FOCAD: variants seen among roughly 807,000 people sequenced by gnomAD.
FOCAD encodes KIAA1797.
Under a neutral mutation model 225.6 loss-of-function variants are expected in FOCAD, and 198 were observed. The ratio of observed to expected loss-of-function variants is 0.88; its 90% CI spans 0.78 to 0.99. The LOEUF is 0.99. Ranked by LOEUF, FOCAD falls within the 50% of genes least tolerant of loss-of-function variation. FOCAD has a pLI of 0.00. For missense variants in FOCAD, 2,713 were observed against 2,123.6 expected, an observed-to-expected ratio of 1.28 and a Z score of -5.46; for synonymous variants, 897 against 755.0, an observed-to-expected ratio of 1.19 and a Z score of -3.08.
chr9:20,747,329 A>T (rs1002869033), intron 5 of FOCAD, among the ~76,000 whole-genome samples: 4 of 151,566 alleles, frequency 2.6e-5, no homozygotes, highest in East Asian at 1.9e-4. Flanking sequence ...TCCAAGTTAA[A>T]TTTTTTTTTA....
At chr9:20,989,924 C>T (rs1009091965) in intron 41 of FOCAD, among the ~76,000 whole-genome samples, 199 bp from the exon 42 acceptor site, 1 of 152,134 alleles carries the variant, frequency 6.6e-6, no homozygotes, top group Non-Finnish European at 1.5e-5. Context: ...TCTAAAGCCC[C>T]AAAATGTATC....
At chr9:20,836,091 T>G (rs771848759) in intron 15 of FOCAD, among the ~76,000 whole-genome samples, 1 of 152,108 alleles carries the variant, frequency 6.6e-6, no homozygotes, top group Non-Finnish European at 1.5e-5. Context: ...CTCATCATCC[T>G]AACCCTTTGT....
At chr9:20,909,102 G>T (rs1833224188) in intron 22 of FOCAD, among the ~76,000 whole-genome samples, 1 of 151,942 alleles carries the variant, frequency 6.6e-6, no homozygotes, top group African/African-American at 2.4e-5. Flanking sequence ...AATTGAATAG[G>T]GTTATAGTAT....
chr9:20,872,725 A>G (rs1307505070), intron 18 of FOCAD: 16 of 152,094 alleles, frequency 1.1e-4, no homozygotes, highest in Non-Finnish European at 1.5e-5. Flanking sequence ...AGTATATTGA[A>G]ACAATTGTGC....
At chr9:20,751,496 T>C (rs1828542875) in intron 5 of FOCAD, among the ~76,000 whole-genome samples, 1 of 49,472 alleles carries the variant, frequency 2.0e-5, no homozygotes, top group Non-Finnish European at 4.8e-5. Flanking sequence ...CTCATCATTT[T>C]TTATGGCTGC....
intron 2 of FOCAD, among the ~76,000 whole-genome samples, chr9:20,661,984 G>A (rs1235073904): frequency 6.6e-6 from 1 of 152,102 alleles, no homozygotes; most frequent in African/African-American, 2.4e-5. Context: ...AAAAGGCAAG[G>A]TACAAAACAG....
At chr9:20,814,206 A>C (rs2131370225) in intron 11 of FOCAD, among the ~76,000 whole-genome samples, 1 of 152,274 alleles carries the variant, frequency 6.6e-6, no homozygotes, top group South Asian at 2.1e-4. Flanking sequence ...GTGGTAGGAA[A>C]GGACTTACTA....
intron 21 of FOCAD, among the ~76,000 whole-genome samples, chr9:20,898,048 A>G (rs560047100): frequency 1.3e-5 from 2 of 151,392 alleles, no homozygotes; most frequent in Admixed American, 1.3e-4. Context: ...TCAGCACTTT[A>G]TTTCACTCTC....
intron 15 of FOCAD, among the ~76,000 whole-genome samples, chr9:20,856,209 C>G (rs1828164253): frequency 6.6e-6 from 1 of 151,910 alleles, no homozygotes; most frequent in South Asian, 2.1e-4. Context: ...ATTTACATTC[C>G]TACCAACAGT....
intron 35 of FOCAD, among the ~76,000 whole-genome samples, chr9:20,970,667 A>T (rs1235273276): frequency 6.6e-6 from 1 of 152,024 alleles, no homozygotes; most frequent in East Asian, 1.9e-4. Context: ...GTCTTTGTCT[A>T]GTAAGTCCAA....
chr9:20,746,258 G>C (rs1828025213), intron 5 of FOCAD, among the ~76,000 whole-genome samples: 1 of 152,158 alleles, frequency 6.6e-6, no homozygotes, highest in East Asian at 1.9e-4. Flanking sequence ...TGCATGAAGA[G>C]TGTTTCAGAG....
intron 2 of FOCAD, among the ~76,000 whole-genome samples, chr9:20,668,945 C>T (rs962463523): frequency 2.0e-5 from 3 of 151,884 alleles, no homozygotes; most frequent in Non-Finnish European, 4.4e-5. Flanking sequence ...GGTTAGCCTC[C>T]CCACCCATCT....
rs541313338 is a variant in FOCAD, at chr9:20,719,497, A to G, written c.133-883A>G. 4.0e-5 allele frequency among the ~76,000 whole-genome samples: 6 copies of G among 151,742 alleles called. No individual in the cohort carries two copies. In the South Asian group the frequency reaches 1.0e-3, roughly 26 times the overall value. On this transcript the variant is annotated intron_variant, in intron 3 of 43. Transcript: ENST00000338382. ...AGGAAAAAGGAAAAATTGCTTCATTATTTGTTCTTTTTTTTTTATAATACA... is the reference window on the plus strand; with the variant it reads ...AGGAAAAAGGAAAAATTGCTTCATTGTTTGTTCTTTTTTTTTTATAATACA...
intron 11 of FOCAD, among the ~76,000 whole-genome samples, chr9:20,812,442 C>G (rs1823186856): frequency 6.6e-6 from 1 of 151,992 alleles, no homozygotes; most frequent in Non-Finnish European, 1.5e-5. Flanking sequence ...CGTTATAGAA[C>G]TGTCTGAAAA....
At chr9:20,876,890 A>C (rs1244608287) in intron 19 of FOCAD, among the ~76,000 whole-genome samples, 3 of 152,206 alleles carry the variant, frequency 2.0e-5, no homozygotes, top group African/African-American at 7.2e-5. Context: ...TTTCAAATGA[A>C]CACAAAAGCA....
At chr9:20,864,292 T>C (rs1829040399) in intron 16 of FOCAD, among the ~76,000 whole-genome samples, 1 of 152,176 alleles carries the variant, frequency 6.6e-6, no homozygotes, top group South Asian at 2.1e-4. Flanking sequence ...TTCCCTAAAA[T>C]GTAGTCCAAC....
chr9:20,765,535 C>A (rs1214836412), intron 7 of FOCAD, among the ~76,000 whole-genome samples: 3 of 152,152 alleles, frequency 2.0e-5, no homozygotes, highest in African/African-American at 7.2e-5. Context: ...CCACATGTCC[C>A]CTTGCAACAT....
intron 9 of FOCAD, among the ~76,000 whole-genome samples, chr9:20,779,878 A>G (rs916766474): frequency 1.3e-5 from 2 of 152,150 alleles, no homozygotes; most frequent in African/African-American, 4.8e-5. Context: ...GCTTTAGCAC[A>G]TGGAGGGGAT....
chr9:20,918,354 G>A (rs560020902), intron 24 of FOCAD, among the ~76,000 whole-genome samples: 4 of 152,198 alleles, frequency 2.6e-5, no homozygotes, highest in African/African-American at 4.8e-5. Context: ...GTATCACTTC[G>A]TGACTAATAC....
Sources: gnomAD v4.1 joint callset for allele counts (sites outside exome capture counted in the v4.1 genomes callset) on GRCh38, gnomAD v4.1.1 for gene constraint, MANE v1.5 for transcripts, NCBI Gene and HGNC (gene_info 2026-07-23, HGNC 2026-07-21) for gene names.